The following NFIC variants were observed in gnomAD, a reference collection of about 807,000 sequenced individuals.
The protein encoded by NFIC is nuclear factor I C, also known as nuclear factor 1 C-type.
NFIC carries 12 observed loss-of-function variants against 54.4 expected under a neutral mutation model. The observed-to-expected ratio is 0.22, with a 90% CI of 0.14 to 0.36. The LOEUF (loss-of-function observed/expected upper bound fraction) is 0.36. Ranked by LOEUF, NFIC falls within the 10% of genes least tolerant of loss-of-function variation. The pLI is 1.00. For synonymous variants in NFIC, 322 were observed against 319.2 expected (o/e 1.01, Z -0.09); for missense variants, 575 against 718.2 (o/e 0.80, Z 2.28).
chr19:3,443,057 T>C (rs1438030359), intron 6 of NFIC, among the ~76,000 whole-genome samples: 2 of 152,186 alleles, frequency 1.3e-5, no homozygotes, highest in Non-Finnish European at 2.9e-5. Context: ...CACCCTGCAG[T>C]GCCCAGGACA....
At chr19:3,409,848 A>G (rs1245752120) in intron 2 of NFIC, among the ~76,000 whole-genome samples, 1 of 152,210 alleles carries the variant, frequency 6.6e-6, no homozygotes, top group Non-Finnish European at 1.5e-5. Flanking sequence ...TTGGCAGTCC[A>G]TGACACCTCA....
intron 2 of NFIC, among the ~76,000 whole-genome samples, chr19:3,394,609 T>C (rs1243293867): frequency 2.9e-5 from 4 of 140,148 alleles, no homozygotes; most frequent in Non-Finnish European, 6.1e-5. Context: ...GGCTGCTGTA[T>C]TGGGCAGGCC....
chr19:3,409,521 C>A lies in NFIC; in HGVS notation c.563-15585C>A, dbSNP rs968502663. On this transcript the variant is annotated intron_variant, in intron 2 of 10. Coordinates refer to ENST00000443272, the MANE Select transcript of NFIC (RefSeq NM_001245002.2). ...TCTCTGCCATCCCCCCAAGGCCTGG[C>A]GAGTAGTAGGTGGTCAGTAAACACC... is the stretch of plus-strand genomic sequence containing the variant. 3.3e-5 allele frequency among the ~76,000 whole-genome samples: 5 copies of A among 152,198 alleles called. 1 individual carries two copies. The highest frequency in any genetic ancestry group is 4.4e-5 in the Non-Finnish European group (3 of 68,030).
intron 1 of NFIC, 103 bp from the exon 2 acceptor site, chr19:3,381,609 C>A: frequency 1.4e-6 from 2 of 1,456,212 alleles, no homozygotes; most frequent in Non-Finnish European, 1.8e-6. Flanking sequence ...TCCCACTCTG[C>A]GGGTCTGTTC....
chr19:3,464,861 T>A lies in NFIC; in HGVS notation c.*2092T>A. 1 of 231,546 alleles carries A rather than the reference T, an allele frequency of 4.3e-6. No individual in the cohort carries two copies. Among genetic ancestry groups the A allele is most frequent in the Non-Finnish European group, 7.0e-6 (1 of 142,520 alleles). The allele number at this position is 231,546 out of a possible 1,614,324, so 14.3% of individuals were successfully genotyped here. ...CCTTGGGGATCAAAGCGTGGGCCGC[T>A]CTCCGGGAGGGCGGGCGGGGGAGGG... On this transcript the variant is annotated 3_prime_UTR_variant, in exon 11 of 11. Transcript: ENST00000443272.
chr19:3,373,491 C>A (rs2081056257), intron 1 of NFIC, among the ~76,000 whole-genome samples: 1 of 152,086 alleles, frequency 6.6e-6, no homozygotes, highest in African/African-American at 2.4e-5. Flanking sequence ...GTTCCTCTAA[C>A]ACGCCAGGTG....
chr19:3,396,614 G>A (rs1228304861), intron 2 of NFIC, among the ~76,000 whole-genome samples: 2 of 152,096 alleles, frequency 1.3e-5, no homozygotes, highest in African/African-American at 4.8e-5. Context: ...TTCCAACAGG[G>A]ACACCACGGC....
intron 6 of NFIC, among the ~76,000 whole-genome samples, chr19:3,435,932 T>C (rs2082195257): frequency 6.6e-6 from 1 of 151,928 alleles, no homozygotes; most frequent in South Asian, 2.1e-4. Flanking sequence ...GTTCAAGCAA[T>C]TGTCCTACCT....
At chr19:3,386,465 G>A (rs937314324) in intron 2 of NFIC, among the ~76,000 whole-genome samples, 2 of 151,914 alleles carry the variant, frequency 1.3e-5, no homozygotes. Flanking sequence ...TGAGATTACA[G>A]GCGAGCGCCA....
At chr19:3,393,996 G>A (rs931584113) in intron 2 of NFIC, among the ~76,000 whole-genome samples, 15 of 151,270 alleles carry the variant, frequency 9.9e-5, no homozygotes, top group Admixed American at 9.2e-4. Flanking sequence ...AGGCTGGAGT[G>A]CAGCGGTGCA....
chr19:3,418,801 G>A (rs1029566791), intron 2 of NFIC, among the ~76,000 whole-genome samples: 3 of 152,106 alleles, frequency 2.0e-5, no homozygotes, highest in Non-Finnish European at 4.4e-5. Context: ...GCAGTGAGCC[G>A]AGATTGTGCC....
At position 3,459,067 on chromosome 19, in the gene NFIC, C is replaced by G. The variant is rs117199227; in HGVS notation, c.1509+2432C>G. Among the ~76,000 whole-genome samples the G allele has an allele frequency of 6.6e-6, 1 of 152,108 alleles. No homozygotes were observed. The highest frequency in any genetic ancestry group is 1.5e-5 in the Non-Finnish European group (1 of 68,004). ...TCCCGCTCTCCCCTCTCCCAGCTCC[C>G]GCTCAAAGGGCCCTGAGCTTGGAGG... On this transcript the variant is annotated intron_variant, in intron 10 of 10. Coordinates refer to ENST00000443272, the MANE Select transcript of NFIC (RefSeq NM_001245002.2). This position sits in a 1 kb window ranked among gnomAD's most constrained non-coding sequence, Gnocchi z 4.2.
At position 3,463,523 on chromosome 19, in the gene NFIC, C is replaced by T. The variant is rs2082671771; in HGVS notation, c.*754C>T. 2.0e-6 allele frequency: 2 copies of T among 984,750 alleles called. No individual in the cohort carries two copies. Among genetic ancestry groups the T allele is most frequent in the African/African-American group, 1.8e-5 (1 of 56,998 alleles). The allele number at this position is 984,750 out of a possible 1,614,324, so 61.0% of individuals were successfully genotyped here. On this transcript the variant is annotated 3_prime_UTR_variant, in exon 11 of 11. Coordinates refer to ENST00000443272, the MANE Select transcript of NFIC (RefSeq NM_001245002.2). Reference sequence around the variant, plus strand: ...TGCCGCGGGGCCTCCCCACAAGCCCCTCCCAAAGCGCCGGCCGACTCGCTG... The same window carrying T: ...TGCCGCGGGGCCTCCCCACAAGCCCTTCCCAAAGCGCCGGCCGACTCGCTG...
At chr19:3,447,819 G>C (rs2082395557) in intron 6 of NFIC, among the ~76,000 whole-genome samples, 2 of 152,220 alleles carry the variant, frequency 1.3e-5, no homozygotes, top group Admixed American at 1.3e-4. Context: ...GGCTTTCCAG[G>C]GGGTGCCTGG....
intron 10 of NFIC, 87 bp from the exon 11 acceptor site, chr19:3,462,665 G>T: frequency 6.8e-7 from 1 of 1,476,272 alleles, no homozygotes; most frequent in Non-Finnish European, 9.4e-7. Flanking sequence ...CGTGGGAAGA[G>T]GTAAACCATG....
intron 2 of NFIC, among the ~76,000 whole-genome samples, chr19:3,422,462 A>C (rs1555752339): frequency 1.3e-5 from 2 of 151,012 alleles, no homozygotes; most frequent in South Asian, 2.1e-4. Flanking sequence ...TCACGCCTGT[A>C]ATCCCAGCAC....
Position 3,466,030 on chromosome 19 carries a change from T to A in NFIC, c.*3261T>A, listed in dbSNP as rs1008962603. On this transcript the variant is annotated 3_prime_UTR_variant, in exon 11 of 11. Coordinates refer to ENST00000443272, the MANE Select transcript of NFIC (RefSeq NM_001245002.2). The surrounding 1 kb of genome is among the most constrained non-coding windows in gnomAD (Gnocchi z 4.8). ...AGCTGTGAATATGAAGGGTATCCTG[T>A]ATGAAACAAAAACAAAACCTGATAT... is the stretch of plus-strand genomic sequence containing the variant. 1 of 152,162 alleles carries A rather than the reference T, an allele frequency of 6.6e-6. No individual in the cohort carries two copies. Among genetic ancestry groups the A allele is most frequent in the African/African-American group, 2.4e-5 (1 of 41,416 alleles). The allele number at this position is 152,162 out of a possible 1,614,324, so 9.4% of individuals were successfully genotyped here. A position where few individuals can be genotyped will look rare whatever the true frequency, so the allele number is the denominator to read the frequency against.
At chr19:3,447,882 TTTTG>T (rs527506078) in intron 6 of NFIC, among the ~76,000 whole-genome samples, 9 of 152,190 alleles carry the variant, frequency 5.9e-5, no homozygotes, top group Non-Finnish European at 8.8e-5. Context: ...TCCATCCGTT[TTTTG>T]TTTGTTTGTT....
chr19:3,459,226 C>CG lies in NFIC; in HGVS notation c.1509+2592dup, dbSNP rs1328465295. ...CCTTTCCCTCTGCCTCTCCGGCTCC[C>CG]GACACCCCCCAGTCCATGGACTCTC... On this transcript the variant is annotated intron_variant, in intron 10 of 10. Transcript: ENST00000443272. This position sits in a 1 kb window ranked among gnomAD's most constrained non-coding sequence, Gnocchi z 4.2. 1.3e-5 allele frequency among the ~76,000 whole-genome samples: 2 copies of CG among 150,796 alleles called. No individual in the cohort carries two copies. Among genetic ancestry groups the CG allele is most frequent in the African/African-American group, 4.9e-5 (2 of 41,052 alleles).
Sources: allele counts gnomAD v4.1 joint callset (sites outside exome capture counted in the v4.1 genomes callset), GRCh38; gene constraint gnomAD v4.1.1; non-coding constraint Gnocchi (gnomAD v3.1); transcripts MANE v1.5; gene names NCBI Gene and HGNC (gene_info 2026-07-23, HGNC 2026-07-21).